Variants in CDH18 observed in about 807,000 individuals in gnomAD.
The protein encoded by CDH18 is cadherin 18.
CDH18 carries 31 observed loss-of-function variants against 67.9 expected under a neutral mutation model. That is an observed-to-expected ratio of 0.46 (90% CI 0.34 to 0.62). The LOEUF (loss-of-function observed/expected upper bound fraction) is 0.62. Among genes scored for constraint, CDH18 ranks in the 20% least tolerant of loss-of-function variants. CDH18 has a pLI of 0.01. For synonymous variants in CDH18, 362 were observed against 347.2 expected (o/e 1.04, Z -0.48); for missense variants, 890 against 975.5 (o/e 0.91, Z 1.17).
chr5:19,486,683 C>T (rs1339433117), intron 11 of CDH18, among the ~76,000 whole-genome samples: 2 of 152,036 alleles, frequency 1.3e-5, no homozygotes, highest in Non-Finnish European at 2.9e-5. Flanking sequence ...ATCTCAGCTA[C>T]TTGGGAGGCT....
intron 1 of CDH18, among the ~76,000 whole-genome samples, chr5:20,560,204 G>C (rs1445761967): frequency 6.6e-6 from 1 of 152,000 alleles, no homozygotes; most frequent in African/African-American, 2.4e-5. Flanking sequence ...TTTTTAAAGG[G>C]ACTTGTCCTA....
Position 19,585,790 on chromosome 5 carries a change from AT to A in CDH18, c.999+5266del, listed in dbSNP as rs1744046436. ...TTCTCCAAGAAGACAGTGTTTTTCT[AT>A]TTTTTTCCTCCCATATTTTTGCTTC... On this transcript the variant is annotated intron_variant, in intron 7 of 12. Transcript: ENST00000382275. 2.0e-5 allele frequency among the ~76,000 whole-genome samples: 3 copies of A among 152,100 alleles called. No homozygotes were observed. In the South Asian group the frequency reaches 6.2e-4, roughly 32 times the overall value.
intron 4 of CDH18, among the ~76,000 whole-genome samples, chr5:19,726,928 C>G (rs1229158012): frequency 3.9e-5 from 6 of 152,150 alleles, no homozygotes; most frequent in Non-Finnish European, 8.8e-5. Flanking sequence ...AGAGCTTCCT[C>G]ATTCCTTCTG....
At chr5:20,298,042 G>A (rs572886866) in intron 1 of CDH18, among the ~76,000 whole-genome samples, 19 of 151,996 alleles carry the variant, frequency 1.3e-4, no homozygotes, top group South Asian at 4.1e-4. Flanking sequence ...CTAACTAGCC[G>A]TAAGACTTTT....
intron 2 of CDH18, among the ~76,000 whole-genome samples, chr5:20,022,371 A>G (rs994145150): frequency 3.3e-5 from 5 of 152,338 alleles, no homozygotes; most frequent in Admixed American, 2.6e-4. Context: ...AATCTAATAA[A>G]GCTGGTTTTG....
At position 19,859,524 on chromosome 5, in the gene CDH18, A is replaced by T. The variant is rs114081777; in HGVS notation, c.-256-20282T>A. The stretch of plus-strand genomic sequence containing the variant: ...TTTTTCCTGATCTAGGAGAGAATTA[A>T]CTAGGTCCAGCAACTTTTTAGGTCT... On this transcript the variant is annotated intron_variant, in intron 2 of 12. Transcript: ENST00000382275. Among the ~76,000 whole-genome samples the T allele has an allele frequency of 2.8e-3, 426 of 152,274 alleles. 1 individual carries two copies. The highest frequency in any genetic ancestry group is 9.7e-3 in the African/African-American group (402 of 41,566).
At chr5:20,034,094 T>C (rs1404672236) in intron 2 of CDH18, among the ~76,000 whole-genome samples, 3 of 151,968 alleles carry the variant, frequency 2.0e-5, no homozygotes, top group African/African-American at 7.2e-5. Context: ...GTTAGACACA[T>C]ATGTGGATGG....
intron 5 of CDH18, among the ~76,000 whole-genome samples, chr5:19,629,672 T>C (rs1159514625): frequency 6.6e-6 from 1 of 152,224 alleles, no homozygotes; most frequent in Non-Finnish European, 1.5e-5. Context: ...CTTTGTCTGT[T>C]TATATAAATA....
intron 3 of CDH18, among the ~76,000 whole-genome samples, chr5:19,772,982 G>C (rs536019850): frequency 2.6e-4 from 40 of 152,078 alleles, no homozygotes; most frequent in African/African-American, 9.4e-4. Context: ...ATTAAGAGCT[G>C]GTGAATTATT....
chr5:20,316,170 A>G (rs1737442066), intron 1 of CDH18, among the ~76,000 whole-genome samples: 1 of 152,180 alleles, frequency 6.6e-6, no homozygotes, highest in Non-Finnish European at 1.5e-5. Flanking sequence ...CTTCCAGTAT[A>G]TAATGATAAC....
chr5:20,151,773 G>C (rs1325136035), intron 2 of CDH18, among the ~76,000 whole-genome samples: 1 of 152,030 alleles, frequency 6.6e-6, no homozygotes, highest in African/African-American at 2.4e-5. Context: ...GAAAAAGGAA[G>C]ATGCAATACT....
rs149410953 is a variant in CDH18 at position 20,016,594 on chromosome 5, T to A, written c.-517-24580A>T. The stretch of plus-strand genomic sequence containing the variant: ...TCAATTATTTTTCACCAACAATAAT[T>A]CAGCATTGCATAGTTGCAGTCAGAG... On this transcript the variant is annotated intron_variant, in intron 2 of 14. Transcript: ENST00000507958. Among the ~76,000 whole-genome samples the A allele has an allele frequency of 3.3e-5, 5 of 152,234 alleles. No homozygotes were observed. In the East Asian group the frequency reaches 9.7e-4, roughly 29 times the overall value.
rs1013064368 is a variant in CDH18 at position 19,960,745 on chromosome 5, GTGTATATATA to G, written c.-257+20305_-257+20314del. 5.4e-5 allele frequency among the ~76,000 whole-genome samples: 7 copies of G among 130,394 alleles called. 1 individual carries two copies. Among genetic ancestry groups the G allele is most frequent in the African/African-American group, 2.7e-4 (7 of 26,052 alleles). 85.5% of individuals were successfully genotyped at this position (130,394 alleles called of 152,430 possible). A position where few individuals can be genotyped will look rare whatever the true frequency, so the allele number is the denominator to read the frequency against. ...TGTATATACGTATATACGTATACAC[GTGTATATATA>G]TGTATATATGTATATATACACGTGT... On this transcript the variant is annotated intron_variant, in intron 2 of 12. Transcript: ENST00000382275.
At chr5:19,597,220 G>T (rs1746319447) in intron 6 of CDH18, among the ~76,000 whole-genome samples, 1 of 152,194 alleles carries the variant, frequency 6.6e-6, no homozygotes, top group African/African-American at 2.4e-5. Context: ...CACCTCCACT[G>T]AGGTAAGCCT....
intron 2 of CDH18, among the ~76,000 whole-genome samples, chr5:20,042,822 C>T (rs1334195279): frequency 6.6e-6 from 1 of 151,882 alleles, no homozygotes; most frequent in Non-Finnish European, 1.5e-5. Context: ...ATTAGCCGGG[C>T]GTGCTGGCGG....
chr5:19,820,086 G>A (rs750533804), intron 3 of CDH18, among the ~76,000 whole-genome samples: 1 of 152,098 alleles, frequency 6.6e-6, no homozygotes, highest in African/African-American at 2.4e-5. Context: ...GTAAGATCTG[G>A]GACTTGTGCT....
intron 1 of CDH18, among the ~76,000 whole-genome samples, chr5:20,284,164 TAGAG>T (rs1432335173): frequency 1.3e-5 from 2 of 151,800 alleles, no homozygotes; most frequent in African/African-American, 4.8e-5. Flanking sequence ...AAAATATAGT[TAGAG>T]AGAATGAATT....
In CDH18 at chr5:19,921,657, T is replaced by C. The variant is rs188027903; in HGVS notation, c.-257+59403A>G. On this transcript the variant is annotated intron_variant, in intron 2 of 12. Coordinates refer to ENST00000382275, the MANE Select transcript of CDH18 (RefSeq NM_004934.5). ...AAACGAGGAAAACTTCAAATCTCAA[T>C]ATAAAAATGAGACAAGTATATGAGA... Among the ~76,000 whole-genome samples the C allele has an allele frequency of 3.9e-5, 6 of 152,088 alleles. No homozygotes were observed. The East Asian group carries it at 1.2e-3, about 29-fold the overall frequency.
chr5:19,785,782 TTAAA>T (rs917562266), intron 3 of CDH18, among the ~76,000 whole-genome samples: 2 of 131,470 alleles, frequency 1.5e-5, no homozygotes, highest in Non-Finnish European at 3.1e-5. Context: ...TTCATGAAGA[TTAAA>T]TAAGGTGACA....
Sources: gnomAD v4.1 joint callset for allele counts (sites outside exome capture counted in the v4.1 genomes callset) on GRCh38, gnomAD v4.1.1 for gene constraint, MANE v1.5 for transcripts, NCBI Gene and HGNC (gene_info 2026-07-23, HGNC 2026-07-21) for gene names.